The following ATP2B2 variants were observed in gnomAD, a reference collection of about 807,000 sequenced individuals.
The protein encoded by ATP2B2 is ATPase plasma membrane Ca2+ transporting 2, also known as plasma membrane calcium-transporting ATPase 2.
A neutral mutation model predicts 120.0 loss-of-function variants in ATP2B2; 15 were observed. That is an observed-to-expected ratio of 0.12 (90% CI 0.08 to 0.19). The LOEUF (loss-of-function observed/expected upper bound fraction) is 0.19. Among genes scored for constraint, ATP2B2 ranks in the 10% least tolerant of loss-of-function variants. The pLI, the probability that ATP2B2 is intolerant of heterozygous loss-of-function variation, is 1.00. For missense variants in ATP2B2, 1,045 were observed against 1,719.8 expected (o/e 0.61, Z 6.94); for synonymous variants, 694 against 700.3 (o/e 0.99, Z 0.14).
At chr3:10,510,901 C>T (rs539597260) in intron 3 of ATP2B2, among the ~76,000 whole-genome samples, 5 of 152,186 alleles carry the variant, frequency 3.3e-5, no homozygotes, top group Non-Finnish European at 5.9e-5. Context: ...TGTCCTCCCC[C>T]CTCCTCCCCT....
intron 1 of ATP2B2, among the ~76,000 whole-genome samples, chr3:10,629,212 G>A (rs896234883): frequency 1.3e-5 from 2 of 152,190 alleles, no homozygotes; most frequent in Non-Finnish European, 2.9e-5. Context: ...CTGCTTATGG[G>A]ACGAGCTTGA....
intron 1 of ATP2B2, among the ~76,000 whole-genome samples, chr3:10,647,456 C>G (rs1575590043): frequency 6.6e-6 from 1 of 152,184 alleles, no homozygotes; most frequent in Non-Finnish European, 1.5e-5. Flanking sequence ...ATTGAAGAAG[C>G]CAAGGCACAG....
chr3:10,525,608 T>C (rs1307678906), intron 3 of ATP2B2, among the ~76,000 whole-genome samples: 3 of 152,160 alleles, frequency 2.0e-5, no homozygotes, highest in Admixed American at 2.0e-4. Context: ...GGGTGCTGCA[T>C]TGTATTTAGT....
At chr3:10,548,324 G>C (rs2067594485) in intron 2 of ATP2B2, among the ~76,000 whole-genome samples, 1 of 152,196 alleles carries the variant, frequency 6.6e-6, no homozygotes, top group Non-Finnish European at 1.5e-5. Context: ...CAATCCCACA[G>C]ATCTAACCAC....
intron 1 of ATP2B2, chr3:10,707,904 C>G (rs1357701502): frequency 6.6e-6 from 1 of 152,516 alleles, no homozygotes; most frequent in Non-Finnish European, 1.5e-5. Context: ...GCCCGGCCGC[C>G]CCTGCCTCAC....
intron 1 of ATP2B2, among the ~76,000 whole-genome samples, chr3:10,489,379 A>T (rs2065850371): frequency 6.6e-6 from 1 of 152,236 alleles, no homozygotes; most frequent in Non-Finnish European, 1.5e-5. Context: ...GCCCCCAGAC[A>T]GCGTTTGCTA....
chr3:10,442,646 T>C (rs949379204), intron 2 of ATP2B2, among the ~76,000 whole-genome samples: 2 of 152,174 alleles, frequency 1.3e-5, no homozygotes, highest in African/African-American at 4.8e-5. Flanking sequence ...TAATAAGCAT[T>C]GCAAATCAAA....
At chr3:10,403,976 T>G (rs772454626) in intron 3 of ATP2B2, among the ~76,000 whole-genome samples, 9 of 152,170 alleles carry the variant, frequency 5.9e-5, no homozygotes, top group Non-Finnish European at 1.0e-4. Flanking sequence ...GAACAGAAGC[T>G]TCAAGAGACC....
chr3:10,664,408 G>A (rs574358848), intron 1 of ATP2B2, among the ~76,000 whole-genome samples: 71 of 152,128 alleles, frequency 4.7e-4, no homozygotes, highest in African/African-American at 1.5e-3. Context: ...AGCCCCTCTC[G>A]CCTGGCCCCC....
chr3:10,363,811 C>T (rs1442444254), intron 12 of ATP2B2, among the ~76,000 whole-genome samples: 1 of 152,074 alleles, frequency 6.6e-6, no homozygotes, highest in East Asian at 1.9e-4. Flanking sequence ...CTATGGAAAA[C>T]AGTATGGTAG....
intron 1 of ATP2B2, among the ~76,000 whole-genome samples, chr3:10,479,561 C>T (rs1575356694): frequency 6.6e-6 from 1 of 151,838 alleles, no homozygotes; most frequent in Non-Finnish European, 1.5e-5. Context: ...AGATAAGAAC[C>T]CTTATCACCA....
At chr3:10,703,921 A>C (rs1211411531) in intron 1 of ATP2B2, among the ~76,000 whole-genome samples, 2 of 152,142 alleles carry the variant, frequency 1.3e-5, no homozygotes, top group Non-Finnish European at 2.9e-5. Flanking sequence ...GGCAGGTACC[A>C]TACTACTAGG....
rs374204965 is a variant in ATP2B2, at chr3:10,379,236, G to T, written c.1042+7C>A. 20 of 1,613,636 alleles carry T rather than the reference G, an allele frequency of 1.2e-5. No individual in the cohort carries two copies. The highest frequency in any genetic ancestry group is 1.7e-5 in the Non-Finnish European group (20 of 1,179,872). ...ACGACAAACGCCGGTTAAAACAAAA[G>T]GGTTACCTTTGCTCTGGCTGGCGTC... On this transcript the variant is annotated splice_region_variant and intron_variant, in intron 9 of 22. Coordinates refer to ENST00000360273, the MANE Select transcript of ATP2B2 (RefSeq NM_001001331.4).
chr3:10,556,812 T>C (rs983095395), intron 2 of ATP2B2, among the ~76,000 whole-genome samples: 3 of 152,232 alleles, frequency 2.0e-5, no homozygotes, highest in Non-Finnish European at 4.4e-5. Context: ...TCATTGAGCC[T>C]CTTTCACATA....
At chr3:10,685,326 G>A (rs73028122) in intron 1 of ATP2B2, among the ~76,000 whole-genome samples, 5,681 of 152,300 alleles carry the variant, frequency 0.037, 121 homozygotes, top group South Asian at 0.071. Flanking sequence ...GTACAGAACA[G>A]AACAGATGAT....
chr3:10,528,399 G>C (rs898375945), intron 3 of ATP2B2, among the ~76,000 whole-genome samples: 1 of 152,196 alleles, frequency 6.6e-6, no homozygotes, highest in Non-Finnish European at 1.5e-5. Flanking sequence ...AAGGGTAACA[G>C]AGTCCCCCAC....
chr3:10,511,419 A>G (rs1480907520), intron 3 of ATP2B2, among the ~76,000 whole-genome samples: 2 of 152,332 alleles, frequency 1.3e-5, no homozygotes, highest in East Asian at 3.9e-4. Context: ...GATCCTCAAT[A>G]AATATTGATT....
intron 2 of ATP2B2, among the ~76,000 whole-genome samples, chr3:10,596,277 G>A (rs552427216): frequency 6.6e-6 from 1 of 152,326 alleles, no homozygotes; most frequent in South Asian, 2.1e-4. Context: ...AGTTGATTTA[G>A]TAGTGCATTT....
intron 2 of ATP2B2, among the ~76,000 whole-genome samples, chr3:10,413,370 C>G (rs1028712153): frequency 3.9e-5 from 6 of 152,234 alleles, no homozygotes; most frequent in African/African-American, 1.4e-4. Flanking sequence ...ATGGCTCCCT[C>G]CCTAGGAGAC....
Sources: allele counts gnomAD v4.1 joint callset (sites outside exome capture counted in the v4.1 genomes callset), GRCh38; gene constraint gnomAD v4.1.1; transcripts MANE v1.5; gene names NCBI Gene and HGNC (gene_info 2026-07-23, HGNC 2026-07-21).